Variants in ATF7IP2 observed in about 807,000 individuals in gnomAD.
ATF7IP2 encodes the protein activating transcription factor 7-interacting protein 2.
Under a neutral mutation model 64.2 loss-of-function variants are expected in ATF7IP2, and 42 were observed. The observed-to-expected ratio is 0.65, with a 90% CI of 0.51 to 0.85. The LOEUF (loss-of-function observed/expected upper bound fraction) is 0.85. ATF7IP2 is among the 40% of genes least tolerant of loss of function. The pLI is 0.00. For missense variants in ATF7IP2, 933 were observed against 784.2 expected (o/e 1.19, Z -2.27); for synonymous variants, 308 against 272.8 (o/e 1.13, Z -1.27).
rs2047983456 is a variant in ATF7IP2, at chr16:10,421,250, T to G, written c.-160+1627T>G. ...AAAGCCACTGTACAAGATCTTGCTCTTGAACAATAACACCAGTAGGTGAAT... is the reference window on the plus strand; with the variant it reads ...AAAGCCACTGTACAAGATCTTGCTCGTGAACAATAACACCAGTAGGTGAAT... On this transcript the variant is annotated intron_variant, in intron 3 of 13. Transcript: ENST00000562102. Among the ~76,000 whole-genome samples, 3 of 152,296 alleles carry G rather than the reference T, an allele frequency of 2.0e-5. No individual in the cohort carries two copies. In the South Asian group the frequency reaches 6.2e-4, roughly 32 times the overall value.
chr16:10,407,922 T>C (rs993360503), intron 1 of ATF7IP2, among the ~76,000 whole-genome samples: 8 of 151,994 alleles, frequency 5.3e-5, no homozygotes, highest in Non-Finnish European at 7.4e-5. Flanking sequence ...TCTTTCTTTT[T>C]TTTTTTTTTA....
chr16:10,415,840 G>C (rs1183689362), intron 2 of ATF7IP2, among the ~76,000 whole-genome samples: 2 of 152,190 alleles, frequency 1.3e-5, no homozygotes, highest in African/African-American at 4.8e-5. Flanking sequence ...TGGAAAACAG[G>C]CATGTGAATA....
At chr16:10,453,684 C>T (rs528123163) in intron 8 of ATF7IP2, among the ~76,000 whole-genome samples, 2 of 152,306 alleles carry the variant, frequency 1.3e-5, no homozygotes, top group South Asian at 2.1e-4. Context: ...GTGGCACAAT[C>T]TCAGCTCATC....
At chr16:10,447,197 C>G (rs1008838719) in intron 8 of ATF7IP2, 1 of 152,398 alleles carries the variant, frequency 6.6e-6, no homozygotes, top group African/African-American at 2.4e-5. Flanking sequence ...CAAGGAAGCA[C>G]TTCACCACCC....
At position 10,479,301 on chromosome 16, in the gene ATF7IP2, C is replaced by T. The variant is rs2050126969; in HGVS notation, c.1550-1578C>T. On this transcript the variant is annotated intron_variant, in intron 12 of 13. Coordinates refer to ENST00000562102, the MANE Select transcript of ATF7IP2 (RefSeq NM_001393719.1). Reference sequence around the variant, plus strand: ...ATTAAGAAAATGTGGCACATATACACCATGGAATACTATGCAGCCATAAAA... The same window carrying T: ...ATTAAGAAAATGTGGCACATATACATCATGGAATACTATGCAGCCATAAAA... Among the ~76,000 whole-genome samples the T allele has an allele frequency of 2.6e-5, 4 of 151,162 alleles. No individual in the cohort carries two copies. The South Asian group carries it at 8.4e-4, about 32-fold the overall frequency.
chr16:10,466,701 A>G (rs1165136777), intron 9 of ATF7IP2, among the ~76,000 whole-genome samples: 2 of 152,130 alleles, frequency 1.3e-5, no homozygotes, highest in East Asian at 1.9e-4. Flanking sequence ...TGACAGATAC[A>G]TTTATTATAA....
intron 3 of ATF7IP2, among the ~76,000 whole-genome samples, chr16:10,426,238 C>G (rs2048083555): frequency 6.6e-6 from 1 of 152,162 alleles, no homozygotes; most frequent in African/African-American, 2.4e-5. Flanking sequence ...TATGTGACAG[C>G]AAATAATTCA....
At position 10,388,079 on chromosome 16, in the gene ATF7IP2, T is replaced by TGGCCAAC. The variant is rs547042834; in HGVS notation, c.-242+1959_-242+1960insCCAACGG. On this transcript the variant is annotated intron_variant, in intron 1 of 13. Coordinates refer to ENST00000562102, the MANE Select transcript of ATF7IP2 (RefSeq NM_001393719.1). The stretch of plus-strand genomic sequence containing the variant: ...CTAGTTTTTGTATTTTTAGTAGAGA[T>TGGCCAAC]GGGGTTTCACCGTGTTGGCCAGGCT... Among the ~76,000 whole-genome samples, 228 of 152,088 alleles carry TGGCCAAC rather than the reference T, an allele frequency of 1.5e-3. 1 individual carries two copies. Among genetic ancestry groups the TGGCCAAC allele is most frequent in the Non-Finnish European group, 2.8e-3 (188 of 67,988 alleles).
chr16:10,387,995 C>T (rs796121310), intron 1 of ATF7IP2, among the ~76,000 whole-genome samples: 1 of 152,060 alleles, frequency 6.6e-6, no homozygotes, highest in African/African-American at 2.4e-5. Flanking sequence ...CTCCTCCCTC[C>T]GGGTTCAAGT....
chr16:10,430,981 A>G lies in ATF7IP2; in HGVS notation c.361A>G (p.Arg121Gly). The change falls in exon 5 of 14, where the codon AGA becomes GGA. Residue 121 changes from arginine to glycine, a missense_variant. Arg to Gly is a moderately radical substitution (Grantham distance 125). Coordinates refer to ENST00000562102, the MANE Select transcript of ATF7IP2 (RefSeq NM_001393719.1). ...TGTTTGTTCGTACCAAAAGCCAAGTAGAACAACAGAATCCCCCAGCAGAGT... is the reference window on the plus strand; with the variant it reads ...TGTTTGTTCGTACCAAAAGCCAAGTGGAACAACAGAATCCCCCAGCAGAGT... ...QVVCSYQKPS[R>G]TTESPSRVFT... 1 of 1,614,178 alleles carries G rather than the reference A, an allele frequency of 6.2e-7. No homozygotes were observed. Among genetic ancestry groups the G allele is most frequent in the Non-Finnish European group, 8.5e-7 (1 of 1,180,026 alleles).
At chr16:10,438,648 C>T (rs1271190680) in intron 7 of ATF7IP2, among the ~76,000 whole-genome samples, 1 of 152,146 alleles carries the variant, frequency 6.6e-6, no homozygotes, top group Non-Finnish European at 1.5e-5. Context: ...TGGCCATTAG[C>T]CTAATGTGAG....
chr16:10,452,160 T>G (rs2049006141), intron 8 of ATF7IP2, among the ~76,000 whole-genome samples: 1 of 152,220 alleles, frequency 6.6e-6, no homozygotes, highest in Admixed American at 6.5e-5. Flanking sequence ...TTTGGTCTGT[T>G]GCTGGCAAGT....
At chr16:10,466,877 A>T (rs917305195) in intron 9 of ATF7IP2, among the ~76,000 whole-genome samples, 7 of 151,492 alleles carry the variant, frequency 4.6e-5, no homozygotes, top group African/African-American at 1.7e-4. Flanking sequence ...AAAATTATTA[A>T]TCATGGTTGT....
At chr16:10,416,786 G>C (rs2047888890) in intron 2 of ATF7IP2, among the ~76,000 whole-genome samples, 1 of 152,162 alleles carries the variant, frequency 6.6e-6, no homozygotes, top group African/African-American at 2.4e-5. Context: ...AACAGAGCAA[G>C]ACTCTGTCTC....
rs34430103 is a variant in ATF7IP2, at chr16:10,431,100, G to T, written c.480G>T (p.Gly160=). 0.13 allele frequency: 205,537 copies of T among 1,613,884 alleles called. 14,381 individuals carry two copies. Among genetic ancestry groups the T allele is most frequent in the African/African-American group, 0.22 (16,601 of 74,934 alleles). ...NVTRSLFEHE[G]ACSLKSSCCP... is the part of the protein sequence containing the mutation. ...CAAGATCCCTTTTTGAGCATGAGGG[G>T]GCTTGTAGTCTAAAGTCCAGTTGCT... The change falls in exon 5 of 14, where the codon GGG becomes GGT. Residue 160 remains glycine (G), a synonymous_variant. Transcript: ENST00000562102.
At chr16:10,429,729 T>TATTTTA (rs2048180035) in intron 4 of ATF7IP2, among the ~76,000 whole-genome samples, 1 of 108,708 alleles carries the variant, frequency 9.2e-6, no homozygotes, top group African/African-American at 3.6e-5. Flanking sequence ...TATTTTATTT[T>TATTTTA]ATTTATTTTA....
intron 1 of ATF7IP2, among the ~76,000 whole-genome samples, chr16:10,398,562 T>C (rs572238270): frequency 6.6e-6 from 1 of 152,194 alleles, no homozygotes; most frequent in Non-Finnish European, 1.5e-5. Context: ...TCAACCTGTT[T>C]ATCAAGGAAT....
intron 8 of ATF7IP2, chr16:10,454,009 T>A (rs988217576): frequency 2.5e-5 from 3 of 118,594 alleles, no homozygotes; most frequent in Non-Finnish European, 4.8e-5. Context: ...AGCCATTCAG[T>A]TTTTTTTTTT....
At chr16:10,398,140 C>G (rs777501737) in intron 1 of ATF7IP2, among the ~76,000 whole-genome samples, 1 of 151,738 alleles carries the variant, frequency 6.6e-6, no homozygotes, top group African/African-American at 2.4e-5. Flanking sequence ...CCCATCTCTA[C>G]TAAAAATACA....
Sources: gnomAD v4.1 joint callset for allele counts (sites outside exome capture counted in the v4.1 genomes callset) on GRCh38, gnomAD v4.1.1 for gene constraint, MANE v1.5 for transcripts, NCBI Gene and HGNC (gene_info 2026-07-23, HGNC 2026-07-21) for gene names.